Variants in AGO2 observed in about 807,000 individuals in gnomAD.
AGO2 encodes the protein argonaute RISC catalytic component 2, also known as protein argonaute-2.
In AGO2, 5 loss-of-function variants were observed where a neutral mutation model predicts 102.3. That is an observed-to-expected ratio of 0.05 (90% confidence interval 0.03 to 0.10). AGO2 has a LOEUF of 0.10. Ranked by LOEUF, AGO2 falls within the 10% of genes least tolerant of loss-of-function variation. AGO2 has a pLI of 1.00. For synonymous variants in AGO2, 449 were observed against 473.1 expected, an observed-to-expected ratio of 0.95 and a Z score of 0.66; for missense variants, 541 against 1,183.7, an observed-to-expected ratio of 0.46 and a Z score of 7.97.
chr8:140,599,878 C>A (rs75247004), intron 1 of AGO2, among the ~76,000 whole-genome samples: 19 of 152,186 alleles, frequency 1.2e-4, no homozygotes, highest in African/African-American at 4.6e-4. Context: ...CCCACCATCA[C>A]ACCTGGCTGA....
intron 11 of AGO2, among the ~76,000 whole-genome samples, chr8:140,550,998 T>C (rs2072983774): frequency 6.6e-6 from 1 of 152,240 alleles, no homozygotes; most frequent in Non-Finnish European, 1.5e-5. Flanking sequence ...AATCCAATTC[T>C]CTCTTTTGCC....
rs2072774214 is a variant in AGO2 at position 140,540,315 on chromosome 8, C to T, written c.2034+849G>A. Among the ~76,000 whole-genome samples the T allele has an allele frequency of 6.6e-6, 1 of 152,150 alleles. No individual in the cohort carries two copies. The highest frequency in any genetic ancestry group is 2.4e-5 in the African/African-American group (1 of 41,440). Reference sequence around the variant, plus strand: ...ATCAAGGCCGGGGAGTTCCTAAGCTCCTGGGGCAGCCACGGAGGATGTCTT... The same window carrying T: ...ATCAAGGCCGGGGAGTTCCTAAGCTTCTGGGGCAGCCACGGAGGATGTCTT... On this transcript the variant is annotated intron_variant, in intron 15 of 18. Coordinates refer to ENST00000220592, the MANE Select transcript of AGO2 (RefSeq NM_012154.5). The surrounding 1 kb of genome is among the most constrained non-coding windows in gnomAD (Gnocchi z 5.0).
chr8:140,524,923 T>C lies in AGO2; in HGVS notation c.*7121A>G, dbSNP rs931254422. 6.6e-6 allele frequency: 1 copy of C among 152,222 alleles called. No individual in the cohort carries two copies. Among genetic ancestry groups the C allele is most frequent in the Non-Finnish European group, 1.5e-5 (1 of 68,054 alleles). 9.4% of individuals were successfully genotyped at this position (152,222 alleles called of 1,614,324 possible). On this transcript the variant is annotated 3_prime_UTR_variant, in exon 19 of 19. Coordinates refer to ENST00000220592, the MANE Select transcript of AGO2 (RefSeq NM_012154.5). ...GAACTGAATAAGAATGGCCCCAACG[T>C]CCAGTTCCTGGAGACACTTGGGGGA...
At chr8:140,586,707 G>GA (rs751725325) in intron 1 of AGO2, among the ~76,000 whole-genome samples, 155 of 152,284 alleles carry the variant, frequency 1.0e-3, no homozygotes, top group Admixed American at 2.6e-3. Flanking sequence ...CTCCCCTGAG[G>GA]ACCGACTGAG....
rs376598141 is a variant in AGO2, at chr8:140,581,910, C to T, written c.215+3209G>A. Among the ~76,000 whole-genome samples, 19 of 152,266 alleles carry T rather than the reference C, an allele frequency of 1.2e-4. No individual in the cohort carries two copies. In the East Asian group the frequency reaches 1.9e-3, roughly 15 times the overall value. On this transcript the variant is annotated intron_variant, in intron 2 of 18. Transcript: ENST00000220592. ...CAGAGTTCTGCAACCATCACCATGG[C>T]TTAGAACATTTTTACCACCCCCAAA...
Position 140,556,192 on chromosome 8 carries a change from T to C in AGO2, c.1121A>G (p.Asp374Gly). 1 of 1,614,254 alleles carries C rather than the reference T, an allele frequency of 6.2e-7. No homozygotes were observed. The highest frequency in any genetic ancestry group is 8.5e-7 in the Non-Finnish European group (1 of 1,180,056). The change falls in exon 9 of 19, where the codon GAT becomes GGT. Residue 374 changes from aspartate to glycine, a missense_variant. Coordinates refer to ENST00000220592, the MANE Select transcript of AGO2 (RefSeq NM_012154.5). ...CAATTTGCTAATCTCTTCTTGCCGA[T>C]CGGGCGCCGACCTAGCAGTCGCTCT... is the stretch of plus-strand genomic sequence containing the variant. ...MIRATARSAP[D>G]RQEEISKLMR...
chr8:140,575,265 A>C (rs1424801466), intron 2 of AGO2, among the ~76,000 whole-genome samples: 2 of 124,228 alleles, frequency 1.6e-5, no homozygotes, highest in Non-Finnish European at 3.6e-5. Context: ...GCCAGGGCAC[A>C]ATCTCACCTG....
chr8:140,577,962 A>T (rs967942992), intron 2 of AGO2, among the ~76,000 whole-genome samples: 3 of 152,218 alleles, frequency 2.0e-5, no homozygotes, highest in Non-Finnish European at 4.4e-5. Flanking sequence ...TCTCAAGAGA[A>T]GGAGGCTGTT....
chr8:140,547,432 T>C (rs752355267), intron 13 of AGO2, 36 bp downstream of exon 13: 2 of 1,604,980 alleles, frequency 1.2e-6, no homozygotes, highest in African/African-American at 1.3e-5. Context: ...CACTGTGCCC[T>C]GGTCCGCAGG....
intron 1 of AGO2, among the ~76,000 whole-genome samples, chr8:140,616,596 T>G (rs2074145497): frequency 6.6e-6 from 1 of 152,242 alleles, no homozygotes; most frequent in Non-Finnish European, 1.5e-5. Context: ...CACATGGGTA[T>G]TATTTATAAG....
rs750164894 is a variant in AGO2, at chr8:140,558,507, G to A, written c.856C>T (p.Arg286Trp). Residue 286 changes from arginine (R) to tryptophan (W), a missense_variant, in exon 7 of 19, where the codon CGG becomes TGG. Coordinates refer to ENST00000220592, the MANE Select transcript of AGO2 (RefSeq NM_012154.5). ...TACGTTTGGTGACTGGCGGGCCGCC[G>A]GGTCACATTGCAGACGCGGTACTTC... The part of the protein sequence containing the change: ...KRKYRVCNVT[R>W]RPASHQTFPL... The A allele has an allele frequency of 2.5e-6, 4 of 1,614,206 alleles. No individual in the cohort carries two copies. The highest frequency in any genetic ancestry group is 3.4e-6 in the Non-Finnish European group (4 of 1,180,028).
Position 140,611,229 on chromosome 8 carries a change from C to T in AGO2, c.22+24256G>A, listed in dbSNP as rs548726579. Reference sequence around the variant, plus strand: ...CCCTCAGACGCTGGACTCACCACCACAGCACGTGCACAGCACGGGGACGAA... The same window carrying T: ...CCCTCAGACGCTGGACTCACCACCATAGCACGTGCACAGCACGGGGACGAA... On this transcript the variant is annotated intron_variant, in intron 1 of 18. Coordinates refer to ENST00000220592, the MANE Select transcript of AGO2 (RefSeq NM_012154.5). Among the ~76,000 whole-genome samples, 4 of 152,360 alleles carry T rather than the reference C, an allele frequency of 2.6e-5. No homozygotes were observed. In the South Asian group the frequency reaches 8.3e-4, roughly 32 times the overall value.
intron 3 of AGO2, 168 bp downstream of exon 3, chr8:140,572,644 G>C (rs1339856950): frequency 1.1e-6 from 1 of 943,644 alleles, no homozygotes; most frequent in Non-Finnish European, 1.5e-6. Context: ...CCACAACACA[G>C]AGAAGGTAGT....
At chr8:140,584,023 T>G (rs575864605) in intron 2 of AGO2, among the ~76,000 whole-genome samples, 5 of 152,132 alleles carry the variant, frequency 3.3e-5, no homozygotes, top group African/African-American at 1.2e-4. Flanking sequence ...GGTACATGAC[T>G]GTATCTCTAT....
intron 10 of AGO2, among the ~76,000 whole-genome samples, chr8:140,553,313 G>A (rs1007520382): frequency 6.6e-6 from 1 of 152,142 alleles, no homozygotes; most frequent in Non-Finnish European, 1.5e-5. Flanking sequence ...GAGCCCGGAA[G>A]GTCAGGGCTG....
chr8:140,556,260 T>C lies in AGO2; in HGVS notation c.1053A>G (p.Arg351=), dbSNP rs1426999827. 6 of 1,614,046 alleles carry C rather than the reference T, an allele frequency of 3.7e-6. No homozygotes were observed. Among genetic ancestry groups the C allele is most frequent in the East Asian group, 2.2e-5 (1 of 44,892 alleles). ...LEVCNIVAGQ[R]CIKKLTDNQT... is the part of the protein sequence containing the mutation. The stretch of plus-strand genomic sequence containing the variant: ...GATTGTCCGTTAATTTTTTAATACA[T>C]CTTTGTCCTGCCACAATGTTACAGA... The change falls in exon 9 of 19, where the codon AGA becomes AGG. Residue 351 remains arginine, a synonymous_variant. Coordinates refer to ENST00000220592, the MANE Select transcript of AGO2 (RefSeq NM_012154.5).
At chr8:140,604,156 CG>C in intron 1 of AGO2, among the ~76,000 whole-genome samples, 2 of 152,200 alleles carry the variant, frequency 1.3e-5, no homozygotes, top group Non-Finnish European at 2.9e-5. Context: ...GACCTTGAGG[CG>C]CACCAGGGAA....
chr8:140,543,927 G>C (rs931709001), intron 14 of AGO2, among the ~76,000 whole-genome samples: 1 of 152,244 alleles, frequency 6.6e-6, no homozygotes, highest in East Asian at 1.9e-4. Context: ...CCACCCGCCA[G>C]TCAGGCCATG....
At chr8:140,610,514 T>A (rs1054570823) in intron 1 of AGO2, among the ~76,000 whole-genome samples, 3 of 152,332 alleles carry the variant, frequency 2.0e-5, no homozygotes, top group Admixed American at 2.0e-4. Context: ...CCACCGTGCC[T>A]GGCCAGAGGC....
Sources: gnomAD v4.1 joint callset for allele counts (sites outside exome capture counted in the v4.1 genomes callset) on GRCh38, gnomAD v4.1.1 for gene constraint, Gnocchi (gnomAD v3.1) non-coding constraint, MANE v1.5 for transcripts, NCBI Gene and HGNC (gene_info 2026-07-23, HGNC 2026-07-21) for gene names.